The following MAN1A1 variants were observed in gnomAD, a reference collection of about 807,000 sequenced individuals.
The protein encoded by MAN1A1 is mannosidase alpha class 1A member 1, also known as mannosyl-oligosaccharide 1,2-alpha-mannosidase IA.
MAN1A1 carries 29 observed loss-of-function variants against 70.8 expected under a neutral mutation model. That is an observed-to-expected ratio of 0.41 (90% CI 0.31 to 0.56). The LOEUF (loss-of-function observed/expected upper bound fraction) is 0.56. MAN1A1 is among the 20% of genes least tolerant of loss of function. MAN1A1 has a pLI of 0.29. For synonymous variants in MAN1A1, 349 were observed against 330.1 expected (o/e 1.06, Z -0.62); for missense variants, 747 against 841.3 (o/e 0.89, Z 1.39).
At chr6:119,276,345 C>T (rs979566173) in intron 5 of MAN1A1, among the ~76,000 whole-genome samples, 2 of 152,160 alleles carry the variant, frequency 1.3e-5, no homozygotes, top group Non-Finnish European at 2.9e-5. Flanking sequence ...CTTACGAAAG[C>T]AGAAACTTTG....
At position 119,349,169 on chromosome 6, in the gene MAN1A1, C is replaced by A; in HGVS notation, c.-104G>T. 4 of 1,229,460 alleles carry A rather than the reference C, an allele frequency of 3.3e-6. No individual in the cohort carries two copies. Among genetic ancestry groups the A allele is most frequent in the Non-Finnish European group, 4.1e-6 (4 of 987,240 alleles). The allele number at this position is 1,229,460 out of a possible 1,614,324, so 76.2% of individuals were successfully genotyped here. A position where few individuals can be genotyped will look rare whatever the true frequency, so the allele number is the denominator to read the frequency against. On this transcript the variant is annotated 5_prime_UTR_variant, in exon 2 of 13. Transcript: ENST00000368468. ...GGCTGGGTCCTGCGTAGCCAGGCCG[C>A]CCGACCCCCTCGGCTGGGCTGCGGA... is the stretch of plus-strand genomic sequence containing the variant.
At chr6:119,203,970 G>T (rs993337093) in intron 7 of MAN1A1, among the ~76,000 whole-genome samples, 2 of 152,102 alleles carry the variant, frequency 1.3e-5, no homozygotes, top group Admixed American at 1.3e-4. Flanking sequence ...GCACAGGATT[G>T]AGTGCTAGGG....
intron 2 of MAN1A1, among the ~76,000 whole-genome samples, chr6:119,343,855 G>T (rs1485775529): frequency 1.3e-5 from 2 of 152,130 alleles, no homozygotes. Context: ...TGCTTGACTG[G>T]GTTAGGAGGT....
intron 11 of MAN1A1, among the ~76,000 whole-genome samples, chr6:119,181,838 G>GGTGGATATACATCATCTTCTGAT (rs1773161769): frequency 3.3e-5 from 5 of 151,988 alleles, no homozygotes; most frequent in South Asian, 4.2e-4. Flanking sequence ...CATCTTCTGT[G>GGTGGATATACATCATCTTCTGAT]GTGGATATAC....
chr6:119,289,293 A>G lies in MAN1A1; in HGVS notation c.897+1390T>C, dbSNP rs80095498. ...TCTCACCTCCACATAGATTATGGAA[A>G]AAGTTAAAACCAAGGTCATCTTAGC... On this transcript the variant is annotated intron_variant, in intron 5 of 12. Coordinates refer to ENST00000368468, the MANE Select transcript of MAN1A1 (RefSeq NM_005907.4). Among the ~76,000 whole-genome samples the G allele has an allele frequency of 5.9e-3, 895 of 152,052 alleles. 29 individuals are homozygous for G. The East Asian group carries it at 0.09, about 15-fold the overall frequency.
chr6:119,330,302 T>C (rs1442491008), intron 2 of MAN1A1, among the ~76,000 whole-genome samples: 1 of 152,006 alleles, frequency 6.6e-6, no homozygotes, highest in South Asian at 2.1e-4. Context: ...ATTACCCCTC[T>C]CCACTCCTCT....
chr6:119,287,246 G>A (rs1776400726), intron 5 of MAN1A1, among the ~76,000 whole-genome samples: 2 of 152,058 alleles, frequency 1.3e-5, no homozygotes, highest in South Asian at 4.1e-4. Context: ...ATGCCAACTT[G>A]ACACTTTTTG....
At chr6:119,273,264 G>A (rs1021764459) in intron 5 of MAN1A1, among the ~76,000 whole-genome samples, 3 of 152,138 alleles carry the variant, frequency 2.0e-5, no homozygotes, top group African/African-American at 7.2e-5. Flanking sequence ...AAAACAGGCA[G>A]AGGGAAGGAT....
At chr6:119,326,903 A>G (rs940072982) in intron 2 of MAN1A1, among the ~76,000 whole-genome samples, 1 of 152,194 alleles carries the variant, frequency 6.6e-6, no homozygotes, top group African/African-American at 2.4e-5. Flanking sequence ...TTTACCACTG[A>G]CTGTTGAGTA....
chr6:119,242,221 G>T (rs1291506708), intron 6 of MAN1A1, among the ~76,000 whole-genome samples: 2 of 151,982 alleles, frequency 1.3e-5, no homozygotes, highest in Non-Finnish European at 2.9e-5. Flanking sequence ...CATAACTCTG[G>T]ATTGCCTCGC....
chr6:119,215,670 G>T (rs968545296), intron 6 of MAN1A1, among the ~76,000 whole-genome samples: 3 of 152,154 alleles, frequency 2.0e-5, no homozygotes, highest in African/African-American at 7.2e-5. Context: ...CTTTTTCCTT[G>T]AATGTCAATT....
At chr6:119,270,950 G>A (rs915816093) in intron 5 of MAN1A1, among the ~76,000 whole-genome samples, 4 of 152,094 alleles carry the variant, frequency 2.6e-5, no homozygotes, top group Admixed American at 6.5e-5. Flanking sequence ...TTCCTTGAAC[G>A]ACTTCTCTAC....
intron 2 of MAN1A1, among the ~76,000 whole-genome samples, chr6:119,320,758 T>C (rs1317156309): frequency 1.3e-5 from 2 of 152,152 alleles, no homozygotes; most frequent in Admixed American, 6.5e-5. Flanking sequence ...CAAAATCAAA[T>C]AAATTATTCA....
chr6:119,264,929 T>C (rs998627031), intron 5 of MAN1A1, among the ~76,000 whole-genome samples: 6 of 152,040 alleles, frequency 3.9e-5, no homozygotes, highest in Admixed American at 1.3e-4. Context: ...TTTTAAGAAA[T>C]GAAAACACCT....
chr6:119,245,024 T>C (rs1161928164), intron 6 of MAN1A1, among the ~76,000 whole-genome samples: 1 of 152,080 alleles, frequency 6.6e-6, no homozygotes, highest in African/African-American at 2.4e-5. Flanking sequence ...TGTGAACAGA[T>C]AATACCAATA....
In MAN1A1 at chr6:119,265,886, A is replaced by C. The variant is rs910219914; in HGVS notation, c.898-17532T>G. Among the ~76,000 whole-genome samples, 11 of 152,354 alleles carry C rather than the reference A, an allele frequency of 7.2e-5. No individual in the cohort carries two copies. In the East Asian group the frequency reaches 2.1e-3, roughly 29 times the overall value. ...TATGCAGAAAATCTGAATCAACAAA[A>C]GAAATCTGAAACTAATAAGTGAGTA... On this transcript the variant is annotated intron_variant, in intron 5 of 12. Coordinates refer to ENST00000368468, the MANE Select transcript of MAN1A1 (RefSeq NM_005907.4).
chr6:119,275,645 T>C (rs1019915345), intron 5 of MAN1A1, among the ~76,000 whole-genome samples: 32 of 151,932 alleles, frequency 2.1e-4, no homozygotes, highest in African/African-American at 7.7e-4. Context: ...TTTCACCATG[T>C]TGGCCAGGCT....
chr6:119,294,439 T>C (rs1482602905), intron 4 of MAN1A1, among the ~76,000 whole-genome samples: 1 of 152,102 alleles, frequency 6.6e-6, no homozygotes, highest in African/African-American at 2.4e-5. Context: ...GTGAGATTTA[T>C]CCTAACAATT....
At chr6:119,260,754 C>G (rs1209112746) in intron 5 of MAN1A1, among the ~76,000 whole-genome samples, 2 of 152,062 alleles carry the variant, frequency 1.3e-5, no homozygotes, top group Non-Finnish European at 2.9e-5. Flanking sequence ...ATAAACAACT[C>G]AATGAAACAA....
Sources: gnomAD v4.1 joint callset for allele counts (sites outside exome capture counted in the v4.1 genomes callset) on GRCh38, gnomAD v4.1.1 for gene constraint, MANE v1.5 for transcripts, NCBI Gene and HGNC (gene_info 2026-07-23, HGNC 2026-07-21) for gene names.